The following C19orf38 variants were observed in gnomAD, a reference collection of about 807,000 sequenced individuals.
C19orf38 encodes the protein chromosome 19 open reading frame 38, also known as protein HIDE1.
Under a neutral mutation model 26.6 loss-of-function variants are expected in C19orf38, and 14 were observed. That is an observed-to-expected ratio of 0.53 (90% CI 0.35 to 0.82). The LOEUF is 0.82. Among genes scored for constraint, C19orf38 ranks in the 40% least tolerant of loss-of-function variants. The probability of loss-of-function intolerance (pLI) is 0.01; values close to 1 mark genes in which losing one functional copy is unlikely to be tolerated. For missense variants in C19orf38, 261 were observed against 299.5 expected, an observed-to-expected ratio of 0.87 and a Z score of 0.95; for synonymous variants, 132 against 128.5, an observed-to-expected ratio of 1.03 and a Z score of -0.18.
intron 1 of C19orf38, among the ~76,000 whole-genome samples, chr19:10,839,819 C>G (rs898379713): frequency 6.6e-6 from 1 of 151,062 alleles, no homozygotes; most frequent in South Asian, 2.1e-4. Flanking sequence ...CCCTCCACTT[C>G]CCGAACTCAT....
At chr19:10,861,918 A>G (rs1294438427) in intron 5 of C19orf38, among the ~76,000 whole-genome samples, 1 of 151,108 alleles carries the variant, frequency 6.6e-6, no homozygotes, top group East Asian at 1.9e-4. Flanking sequence ...TTTTGTTTTG[A>G]GGCGGAGTCT....
At chr19:10,867,073 A>T (rs2073758682) in intron 6 of C19orf38, among the ~76,000 whole-genome samples, 2 of 151,732 alleles carry the variant, frequency 1.3e-5, no homozygotes. Flanking sequence ...TACAGGCATG[A>T]GCCACCGTGC....
chr19:10,841,931 A>C lies in C19orf38; in HGVS notation c.-69+5161A>C. On this transcript the variant is annotated intron_variant, in intron 1 of 7. Coordinates refer to the C19orf38 transcript ENST00000592854. ...GAATGCCAGTGTGGCAACTCCTAGGATTTGTCACGAATGGGAAGCCAAGTG... is the reference window on the plus strand; with the variant it reads ...GAATGCCAGTGTGGCAACTCCTAGGCTTTGTCACGAATGGGAAGCCAAGTG... 4 of 1,608,224 alleles carry C rather than the reference A, an allele frequency of 2.5e-6. No individual in the cohort carries two copies. The Admixed American group carries it at 6.7e-5, about 27-fold the overall frequency.
Position 10,848,491 on chromosome 19 carries a change from A to T in C19orf38, c.-18A>T, listed in dbSNP as rs2073536412. 2 of 1,551,428 alleles carry T rather than the reference A, an allele frequency of 1.3e-6. No individual in the cohort carries two copies. The highest frequency in any genetic ancestry group is 1.2e-5 in the South Asian group (1 of 84,060). On this transcript the variant is annotated 5_prime_UTR_variant, in exon 1 of 7. Coordinates refer to ENST00000397820, the MANE Select transcript of C19orf38 (RefSeq NM_001136482.3). Reference sequence around the variant, plus strand: ...CCCTCTGGCCTCAGCCGGATTTCCCAGCCAAACGCAGAGAGAGATGCCCTG... The same window carrying T: ...CCCTCTGGCCTCAGCCGGATTTCCCTGCCAAACGCAGAGAGAGATGCCCTG...
At chr19:10,844,402 CAAAA>C (rs1249868993), upstream of C19orf38, among the ~76,000 whole-genome samples, 5 of 65,082 alleles carry the variant, frequency 7.7e-5, no homozygotes, top group South Asian at 2.0e-3. Context: ...GACTCCGTCT[CAAAA>C]AAAAAAAAAA....
intron 1 of C19orf38, among the ~76,000 whole-genome samples, chr19:10,849,108 C>G (rs1205795986): frequency 6.6e-6 from 1 of 151,908 alleles, no homozygotes; most frequent in African/African-American, 2.4e-5. Context: ...TCACTCACCC[C>G]CTCCCCTTCC....
upstream of C19orf38, among the ~76,000 whole-genome samples, chr19:10,844,292 A>G (rs1214984785): frequency 2.0e-5 from 3 of 151,556 alleles, no homozygotes; most frequent in South Asian, 4.2e-4. Flanking sequence ...AATCCCCGCT[A>G]CTCAGGAAGC....
intron 6 of C19orf38, among the ~76,000 whole-genome samples, chr19:10,863,995 C>T (rs2073728179): frequency 6.6e-6 from 1 of 152,046 alleles, no homozygotes. Context: ...TCCCATAGAC[C>T]CAGGTTTAAA....
intron 2 of C19orf38, among the ~76,000 whole-genome samples, chr19:10,855,107 G>A (rs914214534): frequency 1.4e-5 from 2 of 141,228 alleles, no homozygotes; most frequent in East Asian, 4.2e-4. Flanking sequence ...GCCCAATCTC[G>A]GCTCACTGCA....
intron 4 of C19orf38, among the ~76,000 whole-genome samples, chr19:10,859,294 ATGTGTG>A (rs1426978656): frequency 3.9e-5 from 4 of 103,460 alleles, no homozygotes; most frequent in Admixed American, 1.0e-4. Flanking sequence ...GTGTGTGTAT[ATGTGTG>A]TGTGTGTATG....
chr19:10,843,876 C>G (rs186908331), upstream of C19orf38, among the ~76,000 whole-genome samples: 1 of 152,078 alleles, frequency 6.6e-6, no homozygotes, highest in Non-Finnish European at 1.5e-5. Context: ...TCCAACACTT[C>G]GGGAGGTGGG....
intron 1 of C19orf38, among the ~76,000 whole-genome samples, chr19:10,838,766 C>G (rs1246924158): frequency 6.6e-6 from 1 of 152,122 alleles, no homozygotes; most frequent in African/African-American, 2.4e-5. Context: ...GGTGAGGAGA[C>G]TTAGCCTGAT....
At chr19:10,847,102 G>T (rs191492387), upstream of C19orf38, among the ~76,000 whole-genome samples, 1 of 152,168 alleles carries the variant, frequency 6.6e-6, no homozygotes, top group Admixed American at 6.6e-5. Context: ...AACCTGACTG[G>T]CTTGAACAGA....
intron 1 of C19orf38, among the ~76,000 whole-genome samples, chr19:10,842,832 G>A (rs571109235): frequency 1.3e-5 from 2 of 152,244 alleles, no homozygotes; most frequent in Admixed American, 6.5e-5. Flanking sequence ...ATCTATGGCC[G>A]GCAGTGCCCC....
At chr19:10,854,777 A>T (rs1258004388) in intron 2 of C19orf38, among the ~76,000 whole-genome samples, 1 of 151,966 alleles carries the variant, frequency 6.6e-6, no homozygotes, top group Non-Finnish European at 1.5e-5. Context: ...CTGGGGGTGG[A>T]TGTCATCTGG....
At chr19:10,860,195 T>C in intron 5 of C19orf38, 1 of 502,270 alleles carries the variant, frequency 2.0e-6, no homozygotes, top group Non-Finnish European at 3.6e-6. Flanking sequence ...TGCCTGCTAC[T>C]TACAGGACCC....
intron 5 of C19orf38, 53 bp downstream of exon 5, chr19:10,860,011 T>C: frequency 6.7e-7 from 1 of 1,501,714 alleles, no homozygotes; most frequent in Non-Finnish European, 9.1e-7. Context: ...CACCTCCAAA[T>C]GCCATCAGGC....
chr19:10,868,895 A>AT (rs1380630617), intron 6 of C19orf38, among the ~76,000 whole-genome samples: 1 of 152,214 alleles, frequency 6.6e-6, no homozygotes, highest in Non-Finnish European at 1.5e-5. Flanking sequence ...TTTAAGCCTC[A>AT]TAGCAGCCCT....
rs148313853 is a variant in C19orf38, at chr19:10,854,818, A to C, written c.341-1447A>C. Among the ~76,000 whole-genome samples, 422 of 151,888 alleles carry C rather than the reference A, an allele frequency of 2.8e-3. 2 individuals are homozygous for C. Among genetic ancestry groups the C allele is most frequent in the African/African-American group, 9.5e-3 (395 of 41,430 alleles). Reference sequence around the variant, plus strand: ...GGCACCCAGACTGCAAGTAATAAAAACCTGACTCACACTGGCTCTACCAGC... The same window carrying C: ...GGCACCCAGACTGCAAGTAATAAAACCCTGACTCACACTGGCTCTACCAGC... On this transcript the variant is annotated intron_variant, in intron 2 of 6. Transcript: ENST00000397820.
Sources: gnomAD v4.1 joint callset for allele counts (sites outside exome capture counted in the v4.1 genomes callset) on GRCh38, gnomAD v4.1.1 for gene constraint, MANE v1.5 for transcripts, NCBI Gene and HGNC (gene_info 2026-07-23, HGNC 2026-07-21) for gene names.